The following KIF26A variants were observed in gnomAD, a reference collection of about 807,000 sequenced individuals.
KIF26A encodes kinesin-like protein KIF26A.
In KIF26A, 74 loss-of-function variants were observed where a neutral mutation model predicts 126.0. That is an observed-to-expected ratio of 0.59 (90% CI 0.49 to 0.71). The LOEUF is 0.71. Among genes scored for constraint, KIF26A ranks in the 30% least tolerant of loss-of-function variants. The pLI is 0.00. For missense variants in KIF26A, 2,984 were observed against 2,763.3 expected, an observed-to-expected ratio of 1.08 and a Z score of -1.79; for synonymous variants, 1,445 against 1,232.7, an observed-to-expected ratio of 1.17 and a Z score of -3.61.
Position 104,176,970 on chromosome 14 carries a change from T to C in KIF26A, c.4182T>C (p.Ala1394=), listed in dbSNP as rs1449490839. The C allele has an allele frequency of 3.3e-6, 5 of 1,535,990 alleles. No homozygotes were observed. In the Admixed American group the frequency reaches 9.8e-5, roughly 30 times the overall value. The stretch of plus-strand genomic sequence containing the variant: ...ACCCGGCGCGGGTCGGGGCTGCTGC[T>C]GTCCTTCGAGGGGAGGAGGAGCCCA... The part of the protein sequence containing the change: ...AVNPARVGAA[A]VLRGEEEPRP... The change falls in exon 12 of 15, where the codon GCT becomes GCC. Residue 1394 remains alanine (A), a synonymous_variant. Transcript: ENST00000423312.
Position 104,175,721 on chromosome 14 carries a change from G to A in KIF26A, c.2933G>A (p.Arg978Gln), listed in dbSNP as rs771143840. 1.6e-5 allele frequency: 25 copies of A among 1,581,974 alleles called. No homozygotes were observed. Among genetic ancestry groups the A allele is most frequent in the African/African-American group, 4.0e-5 (3 of 74,372 alleles). Reference sequence around the variant, plus strand: ...GGAGGGGGCACTGATGGAGTGGCACGGACCCCTCCCGTGGGCATGAGTGGG... The same window carrying A: ...GGAGGGGGCACTGATGGAGTGGCACAGACCCCTCCCGTGGGCATGAGTGGG... ...PGGGGTDGVA[R>Q]TPPVGMSGQV... The change falls in exon 12 of 15, where the codon CGG becomes CAG. Residue 978 changes from arginine (R) to glutamine (Q), a missense_variant. Coordinates refer to ENST00000423312, the MANE Select transcript of KIF26A (RefSeq NM_015656.2).
Position 104,148,344 on chromosome 14 carries a change from C to T in KIF26A, c.289-3671C>T, listed in dbSNP as rs1449908468. Among the ~76,000 whole-genome samples the T allele has an allele frequency of 6.6e-6, 1 of 152,194 alleles. No individual in the cohort carries two copies. The highest frequency in any genetic ancestry group is 1.5e-5 in the Non-Finnish European group (1 of 68,032). On this transcript the variant is annotated intron_variant, in intron 2 of 14. Transcript: ENST00000423312. The surrounding 1 kb of genome is among the most constrained non-coding windows in gnomAD (Gnocchi z 4.3). The stretch of plus-strand genomic sequence containing the variant: ...CATTTTCCAAATGCAAGTAAAGTAT[C>T]TGTGTAATTAGACCATAAAGAGAAA...
At chr14:104,168,853 G>T (rs2037931146) in intron 5 of KIF26A, among the ~76,000 whole-genome samples, 1 of 152,204 alleles carries the variant, frequency 6.6e-6, no homozygotes, top group Non-Finnish European at 1.5e-5. Context: ...CCCTGCCTGG[G>T]GTGAGGCGGG....
At chr14:104,163,233 T>C (rs992610926) in intron 4 of KIF26A, among the ~76,000 whole-genome samples, 2 of 152,168 alleles carry the variant, frequency 1.3e-5, no homozygotes, top group African/African-American at 4.8e-5. Context: ...CCTGCCTGCC[T>C]CTGGCCTCGC....
At chr14:104,168,521 C>T (rs35153457) in intron 5 of KIF26A, among the ~76,000 whole-genome samples, 4,192 of 152,198 alleles carry the variant, frequency 0.028, 83 homozygotes, top group Non-Finnish European at 0.029. Flanking sequence ...TAGGCCATGG[C>T]GGGTCCGGGT....
intron 4 of KIF26A, among the ~76,000 whole-genome samples, chr14:104,160,121 T>G (rs984441893): frequency 1.4e-4 from 21 of 152,142 alleles, no homozygotes; most frequent in African/African-American, 5.1e-4. Flanking sequence ...GGCACCTCTG[T>G]GGAGGCAGCC....
Position 104,174,151 on chromosome 14 carries a change from C to T in KIF26A, c.2034C>T (p.Asp678=), listed in dbSNP as rs943906370. The change falls in exon 11 of 15, where the codon GAC becomes GAT. Residue 678 remains aspartate (D), a synonymous_variant. Coordinates refer to ENST00000423312, the MANE Select transcript of KIF26A (RefSeq NM_015656.2). ...TCTGAACCGCCTCGACCCGCAGGGA[C>T]CACAGGCTCACCATGCTGCTGCGTG... ...VNGAKHVPYR[D]HRLTMLLRES... 1 of 1,571,522 alleles carries T rather than the reference C, an allele frequency of 6.4e-7. No homozygotes were observed. The highest frequency in any genetic ancestry group is 8.7e-7 in the Non-Finnish European group (1 of 1,156,030).
At chr14:104,147,612 C>A (rs1451514627) in intron 2 of KIF26A, among the ~76,000 whole-genome samples, 1 of 152,182 alleles carries the variant, frequency 6.6e-6, no homozygotes, top group African/African-American at 2.4e-5. Flanking sequence ...CCGCTCCTTG[C>A]CCCCCGCCCT....
In KIF26A at chr14:104,177,675, T is replaced by C. The variant is rs1205772092; in HGVS notation, c.4887T>C (p.His1629=). The C allele has an allele frequency of 3.3e-6, 5 of 1,530,522 alleles. No individual in the cohort carries two copies. The highest frequency in any genetic ancestry group is 1.2e-5 in the South Asian group (1 of 83,392). The allele number at this position is 1,530,522 out of a possible 1,614,324, so 94.8% of individuals were successfully genotyped here. A position where few individuals can be genotyped will look rare whatever the true frequency, so the allele number is the denominator to read the frequency against. Residue 1629 remains histidine, a synonymous_variant, in exon 12 of 15, where the codon CAT becomes CAC. Transcript: ENST00000423312. ...GGCCCCAGCGCTACAGCAGCGGCCA[T>C]GGCAGCGACAACAGCAGCGTGCTGA... The part of the protein sequence containing the change: ...PRRPQRYSSG[H]GSDNSSVLSG...
Position 104,138,635 on chromosome 14 carries a change from C to A in KIF26A, c.-88C>A, listed in dbSNP as rs1419994950. On this transcript the variant is annotated 5_prime_UTR_variant, in exon 1 of 15. Coordinates refer to ENST00000423312, the MANE Select transcript of KIF26A (RefSeq NM_015656.2). ...GAGCGGCTGGGCCGGGCCATGGGGG[C>A]GCCTCGGGGCCGGATCACGTAGCCG... The A allele has an allele frequency of 1.9e-5, 20 of 1,047,734 alleles. No homozygotes were observed. In the Admixed American group the frequency reaches 3.2e-4, roughly 17 times the overall value. 64.9% of individuals were successfully genotyped at this position (1,047,734 alleles called of 1,614,324 possible).
Position 104,139,274 on chromosome 14 carries a change from G to C in KIF26A, c.274G>C (p.Gly92Arg), listed in dbSNP as rs1288053495. 6.6e-7 allele frequency: 1 copy of C among 1,519,272 alleles called. No homozygotes were observed. The allele number at this position is 1,519,272 out of a possible 1,614,324, so 94.1% of individuals were successfully genotyped here. A position where few individuals can be genotyped will look rare whatever the true frequency, so the allele number is the denominator to read the frequency against. Residue 92 changes from glycine to arginine, a missense_variant, in exon 2 of 15, where the codon GGG (glycine) becomes CGG (arginine). Gly to Arg is a moderately radical substitution (Grantham distance 125). Coordinates refer to ENST00000423312, the MANE Select transcript of KIF26A (RefSeq NM_015656.2). ...RQAWKLVSGP[G>R]TTLRDPCLSA... Reference sequence around the variant, plus strand: ...GGCGTGGAAGCTGGTCAGCGGGCCCGGGACCACCCTCCGGGTAAGTGACAC... The same window carrying C: ...GGCGTGGAAGCTGGTCAGCGGGCCCCGGACCACCCTCCGGGTAAGTGACAC...
chr14:104,161,074 G>C (rs1475817716), intron 4 of KIF26A, among the ~76,000 whole-genome samples: 2 of 152,244 alleles, frequency 1.3e-5, no homozygotes, highest in Middle Eastern at 3.2e-3. Context: ...GCACTGTCTG[G>C]AGAGGTGTCC....
chr14:104,173,144 C>T lies in KIF26A; in HGVS notation c.1588C>T (p.Leu530=), dbSNP rs1566863768. 6.2e-7 allele frequency: 1 copy of T among 1,610,536 alleles called. No homozygotes were observed. Among genetic ancestry groups the T allele is most frequent in the Non-Finnish European group, 8.5e-7 (1 of 1,179,134 alleles). ...AVEVCGRDQS[L]RDLLAEVAPG... ...GGAGGTGTGCGGGCGCGACCAGAGCCTGCGGGACCTGCTGGCCGAGGTGGC... is the reference window on the plus strand; with the variant it reads ...GGAGGTGTGCGGGCGCGACCAGAGCTTGCGGGACCTGCTGGCCGAGGTGGC... Residue 530 remains leucine (L), a synonymous_variant, in exon 8 of 15, where the codon CTG becomes TTG. Transcript: ENST00000423312.
intron 4 of KIF26A, among the ~76,000 whole-genome samples, chr14:104,159,156 G>A (rs555633648): frequency 1.8e-4 from 28 of 152,338 alleles, no homozygotes; most frequent in African/African-American, 6.7e-4. Context: ...TGTGGCCTCA[G>A]CGCCACCCCA....
At chr14:104,158,081 G>A (rs955541678) in intron 4 of KIF26A, 139 bp downstream of exon 4, 16 of 822,940 alleles carry the variant, frequency 1.9e-5, no homozygotes, top group South Asian at 1.3e-4. Context: ...GAGCTGCTCC[G>A]ACCACAGCTG....
In KIF26A at chr14:104,138,768, C is replaced by T. The variant is rs2037607816; in HGVS notation, c.42+4C>T. On this transcript the variant is annotated splice_donor_region_variant and intron_variant, in intron 1 of 14. Transcript: ENST00000423312. Reference sequence around the variant, plus strand: ...TCTGTGCGCTGCGCAGCCCGCGGTACGCGCGGCCCGGCCTGGAGAGGGAGG... The same window carrying T: ...TCTGTGCGCTGCGCAGCCCGCGGTATGCGCGGCCCGGCCTGGAGAGGGAGG... 14 of 1,257,408 alleles carry T rather than the reference C, an allele frequency of 1.1e-5. No individual in the cohort carries two copies. The highest frequency in any genetic ancestry group is 1.4e-5 in the Non-Finnish European group (14 of 1,003,896). 77.9% of individuals were successfully genotyped at this position (1,257,408 alleles called of 1,614,324 possible).
intron 9 of KIF26A, 67 bp from the exon 10 acceptor site, chr14:104,173,639 G>A (rs1444275110): frequency 3.2e-5 from 50 of 1,573,338 alleles, no homozygotes; most frequent in Non-Finnish European, 3.8e-5. Context: ...TGGGCCTGGG[G>A]TGGGGATGTG....
At chr14:104,156,394 C>G (rs979701933) in intron 3 of KIF26A, among the ~76,000 whole-genome samples, 1 of 152,156 alleles carries the variant, frequency 6.6e-6, no homozygotes, top group African/African-American at 2.4e-5. Flanking sequence ...GGCGCAATGT[C>G]CAGTGAGCTG....
At chr14:104,179,578 A>G (rs1362256757) in intron 14 of KIF26A, 31 bp from the exon 15 acceptor site, 1 of 1,481,552 alleles carries the variant, frequency 6.7e-7, no homozygotes, top group Admixed American at 2.3e-5. Flanking sequence ...GGCCTGACGC[A>G]GGTGCCCCTC....
Sources: allele counts gnomAD v4.1 joint callset (sites outside exome capture counted in the v4.1 genomes callset), GRCh38; gene constraint gnomAD v4.1.1; non-coding constraint Gnocchi (gnomAD v3.1); transcripts MANE v1.5; gene names NCBI Gene and HGNC (gene_info 2026-07-23, HGNC 2026-07-21).